CNTNAP4: variants seen among roughly 807,000 people sequenced by gnomAD.
CNTNAP4 encodes the protein contactin-associated protein-like 4.
Under a neutral mutation model 148.4 loss-of-function variants are expected in CNTNAP4, and 98 were observed. That is an observed-to-expected ratio of 0.66 (90% CI 0.56 to 0.78). CNTNAP4 has a LOEUF of 0.78. Among genes scored for constraint, CNTNAP4 ranks in the 30% least tolerant of loss-of-function variants. CNTNAP4 has a pLI of 0.00. For synonymous variants in CNTNAP4, 730 were observed against 565.1 expected, an observed-to-expected ratio of 1.29 and a Z score of -4.14; for missense variants, 1,935 against 1,565.6, an observed-to-expected ratio of 1.24 and a Z score of -3.98.
intron 21 of CNTNAP4, among the ~76,000 whole-genome samples, chr16:76,541,992 G>T (rs2084480365): frequency 6.6e-6 from 1 of 152,148 alleles, no homozygotes; most frequent in East Asian, 1.9e-4. Context: ...CTAAGAATAT[G>T]TATATAGCCA....
intron 8 of CNTNAP4, among the ~76,000 whole-genome samples, chr16:76,460,757 A>AG (rs2080917340): frequency 2.4e-5 from 1 of 40,960 alleles, no homozygotes; most frequent in Non-Finnish European, 5.7e-5. Flanking sequence ...ATGTCTCAAA[A>AG]AAAAAAAAAA....
chr16:76,348,758 A>G (rs1965124772), intron 2 of CNTNAP4, among the ~76,000 whole-genome samples: 1 of 152,000 alleles, frequency 6.6e-6, no homozygotes, highest in African/African-American at 2.4e-5. Context: ...GCAGGGAGTG[A>G]AAATCTGATT....
chr16:76,321,840 A>G (rs1203027438), intron 2 of CNTNAP4, among the ~76,000 whole-genome samples: 6 of 151,558 alleles, frequency 4.0e-5, no homozygotes, highest in Non-Finnish European at 8.8e-5. Context: ...AAATGATAGT[A>G]TTAATATATT....
At chr16:76,290,979 A>G (rs1409848259) in intron 1 of CNTNAP4, among the ~76,000 whole-genome samples, 1 of 152,038 alleles carries the variant, frequency 6.6e-6, no homozygotes, top group Non-Finnish European at 1.5e-5. Context: ...AGAGAGCGAT[A>G]TCTCTGGTGT....
In CNTNAP4 at chr16:76,509,559, A is replaced by T. The variant is rs1327112029; in HGVS notation, c.2365+10865A>T. On this transcript the variant is annotated intron_variant, in intron 15 of 23. Transcript: ENST00000611870. ...CAACGTAAGTGATCCCGCTAAACTT[A>T]CAAAAAAAGATTATGCGCGTTTTAA... 2.0e-5 allele frequency among the ~76,000 whole-genome samples: 2 copies of T among 97,896 alleles called. 1 individual carries two copies. The highest frequency in any genetic ancestry group is 2.0e-4 in the Admixed American group (2 of 10,080). 64.2% of individuals were successfully genotyped at this position (97,896 alleles called of 152,430 possible).
chr16:76,449,623 TG>T, intron 6 of CNTNAP4, 91 bp from the exon 7 acceptor site: 1 of 1,065,442 alleles, frequency 9.4e-7, no homozygotes, highest in Non-Finnish European at 1.3e-6. Flanking sequence ...TTGATCTGTG[TG>T]TGATGATTAT....
At chr16:76,371,920 A>C (rs969487239) in intron 3 of CNTNAP4, among the ~76,000 whole-genome samples, 1 of 152,182 alleles carries the variant, frequency 6.6e-6, no homozygotes, top group African/African-American at 2.4e-5. Flanking sequence ...CTTACCTCTC[A>C]GGTCCACTTT....
At chr16:76,312,098 T>C (rs966128320) in intron 1 of CNTNAP4, among the ~76,000 whole-genome samples, 28 of 152,208 alleles carry the variant, frequency 1.8e-4, no homozygotes, top group African/African-American at 6.8e-4. Flanking sequence ...ACTAGTTTTC[T>C]GAGTTGCTTT....
At chr16:76,345,112 C>T (rs1399275613) in intron 2 of CNTNAP4, among the ~76,000 whole-genome samples, 1 of 152,178 alleles carries the variant, frequency 6.6e-6, no homozygotes, top group Non-Finnish European at 1.5e-5. Context: ...ACTGACTGGG[C>T]CCCATGATAC....
chr16:76,442,944 A>G (rs1446905166), intron 4 of CNTNAP4, among the ~76,000 whole-genome samples: 1 of 152,106 alleles, frequency 6.6e-6, no homozygotes, highest in East Asian at 1.9e-4. Flanking sequence ...CTATGCCAAC[A>G]TGAAATATAT....
intron 3 of CNTNAP4, among the ~76,000 whole-genome samples, chr16:76,395,397 C>A (rs1306022979): frequency 1.3e-5 from 2 of 151,782 alleles, no homozygotes; most frequent in East Asian, 3.9e-4. Context: ...TCCTGAGTAG[C>A]TGGGATTACA....
At chr16:76,454,960 GAGAA>G (rs1226602030) in intron 8 of CNTNAP4, among the ~76,000 whole-genome samples, 2 of 152,082 alleles carry the variant, frequency 1.3e-5, no homozygotes, top group Non-Finnish European at 2.9e-5. Flanking sequence ...AAATTGTATT[GAGAA>G]AGAACTGAAT....
chr16:76,369,968 A>T (rs1194164842), intron 3 of CNTNAP4, among the ~76,000 whole-genome samples: 1 of 152,188 alleles, frequency 6.6e-6, no homozygotes, highest in Non-Finnish European at 1.5e-5. Flanking sequence ...CTCTTTACTC[A>T]GTCTACCAAT....
At chr16:76,499,168 C>T (rs960795131) in intron 15 of CNTNAP4, among the ~76,000 whole-genome samples, 4 of 151,134 alleles carry the variant, frequency 2.6e-5, no homozygotes, top group African/African-American at 7.3e-5. Context: ...CCTGGATTCA[C>T]GCCATTCTCC....
At chr16:76,328,931 C>A (rs898681952) in intron 2 of CNTNAP4, among the ~76,000 whole-genome samples, 4 of 152,202 alleles carry the variant, frequency 2.6e-5, no homozygotes, top group Non-Finnish European at 5.9e-5. Context: ...GCCACTGTGC[C>A]TGGCACCTGT....
At chr16:76,378,172 T>G (rs1352825872) in intron 3 of CNTNAP4, among the ~76,000 whole-genome samples, 1 of 152,108 alleles carries the variant, frequency 6.6e-6, no homozygotes, top group Non-Finnish European at 1.5e-5. Context: ...AAATTACCTA[T>G]GGGATACAAT....
chr16:76,394,950 A>T (rs752918027), intron 3 of CNTNAP4, among the ~76,000 whole-genome samples: 10 of 152,156 alleles, frequency 6.6e-5, no homozygotes, highest in Non-Finnish European at 1.2e-4. Context: ...TACCACCGTG[A>T]TACCAGGATG....
At chr16:76,535,125 T>A (rs1461019382) in intron 17 of CNTNAP4, among the ~76,000 whole-genome samples, 3 of 152,174 alleles carry the variant, frequency 2.0e-5, no homozygotes, top group African/African-American at 7.2e-5. Context: ...TCCTTCATAA[T>A]TCTCACAAAG....
chr16:76,400,097 G>C (rs1355354888), intron 3 of CNTNAP4, among the ~76,000 whole-genome samples: 2 of 152,134 alleles, frequency 1.3e-5, no homozygotes, highest in Non-Finnish European at 2.9e-5. Flanking sequence ...CCCATAGAGA[G>C]TAAACACTTT....
Sources: gnomAD v4.1 joint callset for allele counts (sites outside exome capture counted in the v4.1 genomes callset) on GRCh38, gnomAD v4.1.1 for gene constraint, MANE v1.5 for transcripts, NCBI Gene and HGNC (gene_info 2026-07-23, HGNC 2026-07-21) for gene names.